The following SLIT2 variants were observed in gnomAD, a reference collection of about 807,000 sequenced individuals.
SLIT2 encodes the protein slit guidance ligand 2, also known as slit homolog 2 protein.
In SLIT2, 41 loss-of-function variants were observed where a neutral mutation model predicts 185.7. The ratio of observed to expected loss-of-function variants is 0.22; its 90% CI spans 0.17 to 0.29. The LOEUF (loss-of-function observed/expected upper bound fraction) is 0.29. SLIT2 is among the 10% of genes least tolerant of loss of function. The pLI is 1.00. For missense variants in SLIT2, 1,571 were observed against 1,909.0 expected, an observed-to-expected ratio of 0.82 and a Z score of 3.30; for synonymous variants, 693 against 680.2, an observed-to-expected ratio of 1.02 and a Z score of -0.29.
At chr4:20,509,030 G>A (rs1379524363) in intron 9 of SLIT2, among the ~76,000 whole-genome samples, 1 of 146,538 alleles carries the variant, frequency 6.8e-6, no homozygotes, top group Non-Finnish European at 1.5e-5. Flanking sequence ...GTGTGTGCAT[G>A]TGTGTGTGTG....
chr4:20,616,782 C>A, intron 34 of SLIT2, 128 bp from the exon 35 acceptor site: 1 of 1,018,602 alleles, frequency 9.8e-7, no homozygotes, highest in Non-Finnish European at 1.4e-6. Context: ...CTTCACTTCC[C>A]TACCACCCTG....
At chr4:20,543,952 G>A (rs143411625) in intron 21 of SLIT2, among the ~76,000 whole-genome samples, 1 of 152,114 alleles carries the variant, frequency 6.6e-6, no homozygotes, top group East Asian at 1.9e-4. Context: ...ACCCTCCTCT[G>A]TGGGAAAGCT....
intron 32 of SLIT2, among the ~76,000 whole-genome samples, chr4:20,596,882 GT>G (rs1728022678): frequency 1.3e-5 from 1 of 79,042 alleles, no homozygotes; most frequent in Admixed American, 1.7e-4. Context: ...TAAGCAGACA[GT>G]AAAAAAAAAA....
Position 20,617,181 on chromosome 4 carries a change from C to A in SLIT2, c.4119C>A (p.Asp1373Glu), listed in dbSNP as rs1729728108. ...MGPLCDQRTN[D>E]PCLGNKCVHG... Reference sequence around the variant, plus strand: ...CCCTCTGTGACCAACGGACCAATGACCCTTGCCTTGGAAATAAGTAAGTTC... The same window carrying A: ...CCCTCTGTGACCAACGGACCAATGAACCTTGCCTTGGAAATAAGTAAGTTC... Residue 1373 changes from aspartate (D) to glutamate (E), a missense_variant, in exon 35 of 37, where the codon GAC becomes GAA. By Grantham distance (45) the Asp-to-Glu change is conservative. Transcript: ENST00000504154. The A allele has an allele frequency of 6.3e-7, 1 of 1,583,752 alleles. No individual in the cohort carries two copies. The highest frequency in any genetic ancestry group is 2.3e-5 in the East Asian group (1 of 44,272).
chr4:20,268,416 C>T (rs936705554), intron 3 of SLIT2, among the ~76,000 whole-genome samples: 2 of 151,198 alleles, frequency 1.3e-5, no homozygotes, highest in Non-Finnish European at 1.5e-5. Context: ...CTTGGCTGAA[C>T]TTTTAGGCCA....
intron 1 of SLIT2, chr4:20,255,084 C>A (rs1270168154): frequency 4.2e-5 from 19 of 455,814 alleles, no homozygotes; most frequent in Non-Finnish European, 7.9e-5. Flanking sequence ...AGGCACGTTC[C>A]GCTCTCGCGG....
chr4:20,582,434 C>A (rs1257242111), intron 29 of SLIT2, among the ~76,000 whole-genome samples: 2 of 152,180 alleles, frequency 1.3e-5, no homozygotes, highest in African/African-American at 4.8e-5. Flanking sequence ...GCGGGTGATA[C>A]GTTCCAAGAC....
rs918382332 is a variant in SLIT2, at chr4:20,511,209, G to C, written c.1058+72G>C. On this transcript the variant is annotated intron_variant, in intron 11 of 36. Transcript: ENST00000504154. ...GAGTGGCTACCTTTTTTAAATTGGG[G>C]TTTAAAAAATGCTCTCAGGTTTTTA... The C allele has an allele frequency of 4.6e-5, 39 of 844,676 alleles. No homozygotes were observed. The African/African-American group carries it at 5.8e-4, about 13-fold the overall frequency. The allele number at this position is 844,676 out of a possible 1,614,324, so 52.3% of individuals were successfully genotyped here.
chr4:20,560,747 C>T (rs2148904288), intron 26 of SLIT2, among the ~76,000 whole-genome samples: 1 of 151,924 alleles, frequency 6.6e-6, no homozygotes, highest in East Asian at 1.9e-4. Context: ...AATGAGTGAA[C>T]AATCTAATGG....
intron 9 of SLIT2, among the ~76,000 whole-genome samples, chr4:20,499,327 C>T (rs1385692429): frequency 2.6e-5 from 4 of 151,960 alleles, no homozygotes; most frequent in Non-Finnish European, 5.9e-5. Context: ...TTAAAAGTGT[C>T]TTTTTCTGTT....
chr4:20,464,756 C>G (rs1489568027), intron 4 of SLIT2, among the ~76,000 whole-genome samples: 2 of 152,164 alleles, frequency 1.3e-5, no homozygotes, highest in Non-Finnish European at 2.9e-5. Context: ...CCTCCCCTGC[C>G]CATCCGCTTT....
chr4:20,532,052 G>A lies in SLIT2; in HGVS notation c.1682G>A (p.Arg561His), dbSNP rs767080078. The change falls in exon 17 of 37, where the codon CGT becomes CAT. Residue 561 changes from arginine (R) to histidine (H), a missense_variant. Arg to His is a conservative substitution (Grantham distance 29). Transcript: ENST00000504154. ...ATCTTTAAGAAACTTCCTCAATTAC[G>A]TAAAATGTAAGTCACTTGTTAGCTA... ...TGIFKKLPQL[R>H]KINFSNNKIT... 7.4e-5 allele frequency: 114 copies of A among 1,549,598 alleles called. No homozygotes were observed. Among genetic ancestry groups the A allele is most frequent in the Non-Finnish European group, 9.4e-5 (108 of 1,147,740 alleles).
chr4:20,459,132 G>GA (rs1217761527), intron 4 of SLIT2, among the ~76,000 whole-genome samples: 258 of 135,418 alleles, frequency 1.9e-3, no homozygotes, highest in South Asian at 5.6e-3. Flanking sequence ...TCCAGTGGGA[G>GA]AAAAAAAAAA....
chr4:20,316,601 T>G (rs919225400), intron 4 of SLIT2, among the ~76,000 whole-genome samples: 1 of 151,804 alleles, frequency 6.6e-6, no homozygotes, highest in Non-Finnish European at 1.5e-5. Flanking sequence ...TTCTGATTGA[T>G]TCACAGAAAT....
In SLIT2 at chr4:20,617,564, G is replaced by A. The variant is rs764650879; in HGVS notation, c.4262G>A (p.Cys1421Tyr). 1 of 1,613,886 alleles carries A rather than the reference G, an allele frequency of 6.2e-7. No homozygotes were observed. The highest frequency in any genetic ancestry group is 8.5e-7 in the Non-Finnish European group (1 of 1,179,956). The change falls in exon 36 of 37, where the codon TGC becomes TAC. Residue 1421 changes from cysteine (C) to tyrosine (Y), a missense_variant. By Grantham distance (194) the Cys-to-Tyr change is radical. Transcript: ENST00000504154. ...DLFNPCQAIK[C>Y]KHGKCRLSGL... ...TTTAACCCATGCCAGGCGATCAAGT[G>A]CAAGCATGGGAAGTGCAGGCTTTCA...
intron 4 of SLIT2, among the ~76,000 whole-genome samples, chr4:20,302,549 G>C (rs1413375828): frequency 6.6e-6 from 1 of 152,146 alleles, no homozygotes; most frequent in Non-Finnish European, 1.5e-5. Flanking sequence ...GATGTCAGAG[G>C]CTAGAGCATT....
intron 33 of SLIT2, among the ~76,000 whole-genome samples, chr4:20,602,907 A>G (rs1054847808): frequency 3.3e-5 from 5 of 152,048 alleles, no homozygotes; most frequent in Non-Finnish European, 5.9e-5. Flanking sequence ...CCTACTGCCT[A>G]AAGGACTCTA....
At chr4:20,606,517 C>T (rs1311689811) in intron 33 of SLIT2, among the ~76,000 whole-genome samples, 2 of 151,592 alleles carry the variant, frequency 1.3e-5, no homozygotes, top group Non-Finnish European at 2.9e-5. Flanking sequence ...ATGAACTTTA[C>T]TGTACTTACC....
intron 4 of SLIT2, among the ~76,000 whole-genome samples, chr4:20,320,183 T>A (rs961989113): frequency 1.3e-5 from 2 of 152,194 alleles, no homozygotes; most frequent in Non-Finnish European, 1.5e-5. Context: ...AGTTGGTATA[T>A]TTATGTATGT....
Sources: gnomAD v4.1 joint callset for allele counts (sites outside exome capture counted in the v4.1 genomes callset) on GRCh38, gnomAD v4.1.1 for gene constraint, MANE v1.5 for transcripts, NCBI Gene and HGNC (gene_info 2026-07-23, HGNC 2026-07-21) for gene names.